The following SERGEF variants were observed in gnomAD, a reference collection of about 807,000 sequenced individuals.
SERGEF encodes secretion-regulating guanine nucleotide exchange factor.
SERGEF carries 51 observed loss-of-function variants against 50.0 expected under a neutral mutation model. The ratio of observed to expected loss-of-function variants is 1.02; its 90% CI spans 0.81 to 1.29. The LOEUF (loss-of-function observed/expected upper bound fraction) is 1.29, where lower values mean the gene tolerates loss of function less well. Ranked by LOEUF, SERGEF falls within the 50% of genes most tolerant of loss-of-function variation. The pLI, the probability that SERGEF is intolerant of heterozygous loss-of-function variation, is 0.00. For synonymous variants in SERGEF, 205 were observed against 212.4 expected (o/e 0.97, Z 0.30); for missense variants, 521 against 557.0 (o/e 0.94, Z 0.65).
chr11:17,975,587 A>G (rs1853353811), intron 8 of SERGEF, among the ~76,000 whole-genome samples: 1 of 152,168 alleles, frequency 6.6e-6, no homozygotes, highest in Non-Finnish European at 1.5e-5. Flanking sequence ...AGCCCCTGAA[A>G]GGGGCTCCCC....
chr11:17,991,371 A>G lies in SERGEF; in HGVS notation c.685+1560T>C, dbSNP rs905889990. Among the ~76,000 whole-genome samples, 3 of 152,336 alleles carry G rather than the reference A, an allele frequency of 2.0e-5. No homozygotes were observed. Among genetic ancestry groups the G allele is most frequent in the African/African-American group, 7.2e-5 (3 of 41,574 alleles). On this transcript the variant is annotated intron_variant, in intron 7 of 10. Transcript: ENST00000265965. The surrounding 1 kb of genome is among the most constrained non-coding windows in gnomAD (Gnocchi z 4.9). ...AGTTGAAGTTGGCAAACAATTAGAC[A>G]AGCTCTAGGTTTACATACCATCAGT...
chr11:17,846,977 T>C (rs1407240721), intron 10 of SERGEF, among the ~76,000 whole-genome samples: 1 of 152,194 alleles, frequency 6.6e-6, no homozygotes, highest in Non-Finnish European at 1.5e-5. Flanking sequence ...GGCTCCACAG[T>C]AATGATTACA....
At chr11:17,901,142 G>A (rs1424639806) in intron 9 of SERGEF, among the ~76,000 whole-genome samples, 1 of 151,884 alleles carries the variant, frequency 6.6e-6, no homozygotes, top group East Asian at 1.9e-4. Context: ...CACTCCCCAA[G>A]TGTGGCCAAC....
At chr11:17,953,424 A>G (rs1852807213) in intron 9 of SERGEF, among the ~76,000 whole-genome samples, 1 of 152,228 alleles carries the variant, frequency 6.6e-6, no homozygotes, top group Admixed American at 6.5e-5. Flanking sequence ...CTCATCATCA[A>G]TAGCCTTTGT....
rs1565198141 is a variant in SERGEF at position 17,896,866 on chromosome 11, GGGAAGGGAAGGGAA to G, written c.1012-18636_1012-18623del. Reference sequence around the variant, plus strand: ...GGAAGGGAAGGGTAAGGGAAGGGAAGGGAAGGGAAGGGAAGGGAAGGGAAGGGAAGGGAAGGGAA... The same window carrying G: ...GGAAGGGAAGGGTAAGGGAAGGGAAGGGGAAGGGAAGGGAAGGGAAGGGAA... On this transcript the variant is annotated intron_variant, in intron 9 of 10. Coordinates refer to ENST00000265965, the MANE Select transcript of SERGEF (RefSeq NM_012139.4). 1.2e-3 allele frequency among the ~76,000 whole-genome samples: 8 copies of G among 6,772 alleles called. 1 individual carries two copies. Among genetic ancestry groups the G allele is most frequent in the Non-Finnish European group, 2.6e-3 (8 of 3,122 alleles). 4.4% of individuals were successfully genotyped at this position (6,772 alleles called of 152,430 possible). A position where few individuals can be genotyped will look rare whatever the true frequency, so the allele number is the denominator to read the frequency against.
chr11:17,860,176 T>C (rs181090573), intron 10 of SERGEF, among the ~76,000 whole-genome samples: 23 of 152,284 alleles, frequency 1.5e-4, no homozygotes, highest in African/African-American at 4.8e-4. Flanking sequence ...AGGTGTTTTA[T>C]AGATGTTTTG....
At chr11:18,008,215 A>T (rs896016768) in intron 1 of SERGEF, 139 bp from the exon 2 acceptor site, 39 of 817,460 alleles carry the variant, frequency 4.8e-5, no homozygotes, top group Middle Eastern at 7.5e-4. Flanking sequence ...ATTCTTTTTT[A>T]AAAAAAAATT....
intron 10 of SERGEF, among the ~76,000 whole-genome samples, chr11:17,857,629 C>A (rs569269107): frequency 6.6e-6 from 1 of 152,210 alleles, no homozygotes; most frequent in African/African-American, 2.4e-5. Context: ...AGGTGCTGCC[C>A]GAATAAAATG....
At chr11:17,806,963 T>G (rs1849769795) in intron 10 of SERGEF, among the ~76,000 whole-genome samples, 1 of 151,942 alleles carries the variant, frequency 6.6e-6, no homozygotes, top group East Asian at 1.9e-4. Context: ...TCCCCTTACT[T>G]CTCTCCTCCA....
rs764337118 is a variant in SERGEF at position 17,788,277 on chromosome 11, G to T, written c.1185C>A (p.His395Gln). 1.1e-5 allele frequency: 17 copies of T among 1,613,860 alleles called. No individual in the cohort carries two copies. In the Admixed American group the frequency reaches 2.8e-4, roughly 27 times the overall value. ...SGLLVGCGAG[H>Q]SLALCQLPAH... ...CTGGCAGCTGGCAGAGGGCCAAGGA[G>T]TGGCCAGCCCCACAGCCCACAAGGA... The change falls in exon 11 of 11, where the codon CAC becomes CAA. Residue 395 changes from histidine (H) to glutamine (Q), a missense_variant. His to Gln is a conservative substitution (Grantham distance 24). Transcript: ENST00000265965.
rs1555008998 is a variant in SERGEF, at chr11:17,896,760, G to GT, written c.1012-18517_1012-18516insA. Among the ~76,000 whole-genome samples, 76 of 60,090 alleles carry GT rather than the reference G, an allele frequency of 1.3e-3. 4 individuals carry two copies. The highest frequency in any genetic ancestry group is 9.0e-3 in the East Asian group (17 of 1,898). The allele number at this position is 60,090 out of a possible 152,430, so 39.4% of individuals were successfully genotyped here. A position where few individuals can be genotyped will look rare whatever the true frequency, so the allele number is the denominator to read the frequency against. ...ACGGAAGGGTAACGGAAGGGTAAGG[G>GT]AAGGGAAGGGTAAGGGAAGGGTAAG... On this transcript the variant is annotated intron_variant, in intron 9 of 10. Transcript: ENST00000265965.
intron 10 of SERGEF, among the ~76,000 whole-genome samples, chr11:17,827,007 C>T (rs928051749): frequency 3.9e-5 from 6 of 152,196 alleles, no homozygotes; most frequent in African/African-American, 1.4e-4. Context: ...TTCTTCTATA[C>T]CACGCCGCCT....
chr11:17,794,305 G>A (rs1259413782), intron 10 of SERGEF, among the ~76,000 whole-genome samples: 1 of 152,178 alleles, frequency 6.6e-6, no homozygotes, highest in Non-Finnish European at 1.5e-5. Flanking sequence ...TGGGAATGTG[G>A]ATGCGATAGC....
chr11:17,804,883 C>G (rs1849729912), intron 10 of SERGEF, among the ~76,000 whole-genome samples: 1 of 152,188 alleles, frequency 6.6e-6, no homozygotes, highest in Admixed American at 6.5e-5. Flanking sequence ...AACCATTGGT[C>G]TAAAAGCCTC....
chr11:17,977,529 C>T (rs1034748870), intron 8 of SERGEF, among the ~76,000 whole-genome samples: 1 of 152,190 alleles, frequency 6.6e-6, no homozygotes, highest in Non-Finnish European at 1.5e-5. Flanking sequence ...TCTGGCAGTT[C>T]ACCACCATAA....
At chr11:17,983,230 G>A (rs1853527264) in intron 8 of SERGEF, among the ~76,000 whole-genome samples, 1 of 152,178 alleles carries the variant, frequency 6.6e-6, no homozygotes, top group South Asian at 2.1e-4. Context: ...TCCACATTAA[G>A]GTTTAGATCT....
At chr11:17,890,754 A>G (rs554033067) in intron 9 of SERGEF, among the ~76,000 whole-genome samples, 1 of 152,138 alleles carries the variant, frequency 6.6e-6, no homozygotes, top group Non-Finnish European at 1.5e-5. Flanking sequence ...TTCTCCACTA[A>G]AAAATTATTC....
intron 9 of SERGEF, among the ~76,000 whole-genome samples, chr11:17,941,103 C>T (rs181675997): frequency 1.9e-4 from 29 of 152,306 alleles, no homozygotes; most frequent in African/African-American, 6.7e-4. Flanking sequence ...AATCACAAAT[C>T]TAGCCATCCC....
At chr11:17,958,196 CG>C (rs1258383454) in intron 9 of SERGEF, among the ~76,000 whole-genome samples, 2 of 152,166 alleles carry the variant, frequency 1.3e-5, no homozygotes, top group Non-Finnish European at 2.9e-5. Flanking sequence ...CCTACATACC[CG>C]GAAGGAGGAG....
Sources: gnomAD v4.1 joint callset for allele counts (sites outside exome capture counted in the v4.1 genomes callset) on GRCh38, gnomAD v4.1.1 for gene constraint, Gnocchi (gnomAD v3.1) non-coding constraint, MANE v1.5 for transcripts, NCBI Gene and HGNC (gene_info 2026-07-23, HGNC 2026-07-21) for gene names.